DIP2C: variants seen among roughly 807,000 people sequenced by gnomAD.
DIP2C encodes the protein DIP2 acetate--CoA ligase C (putative).
Under a neutral mutation model 192.4 loss-of-function variants are expected in DIP2C, and 33 were observed. The ratio of observed to expected loss-of-function variants is 0.17; its 90% CI spans 0.13 to 0.23. DIP2C has a LOEUF of 0.23. Ranked by LOEUF, DIP2C falls within the 10% of genes least tolerant of loss-of-function variation. The pLI, the probability that DIP2C is intolerant of heterozygous loss-of-function variation, is 1.00. For missense variants in DIP2C, 1,537 were observed against 2,110.1 expected (o/e 0.73, Z 5.32); for synonymous variants, 979 against 864.1 (o/e 1.13, Z -2.33).
intron 31 of DIP2C, among the ~76,000 whole-genome samples, chr10:321,536 C>T (rs12774838): frequency 0.13 from 11,550 of 88,756 alleles, 773 homozygotes; most frequent in East Asian, 0.22. Context: ...CCTGCGGGGG[C>T]TCCAGCGAGA....
intron 2 of DIP2C, among the ~76,000 whole-genome samples, chr10:480,955 A>AT (rs1210344923): frequency 6.6e-6 from 1 of 152,158 alleles, no homozygotes; most frequent in African/African-American, 2.4e-5. Context: ...TAAGTTTAAA[A>AT]CACCCTTACC....
At chr10:502,147 C>T (rs1274227607) in intron 1 of DIP2C, among the ~76,000 whole-genome samples, 1 of 152,122 alleles carries the variant, frequency 6.6e-6, no homozygotes, top group Non-Finnish European at 1.5e-5. Flanking sequence ...GTCTCAAAAA[C>T]ATTCAAATTC....
At chr10:509,471 A>C (rs1005009739) in intron 1 of DIP2C, among the ~76,000 whole-genome samples, 2 of 152,126 alleles carry the variant, frequency 1.3e-5, no homozygotes, top group African/African-American at 4.8e-5. Context: ...AGGTCGGAAC[A>C]TCCCACACCC....
At chr10:332,619 T>G (rs984311339) in intron 29 of DIP2C, among the ~76,000 whole-genome samples, 1 of 152,230 alleles carries the variant, frequency 6.6e-6, no homozygotes, top group African/African-American at 2.4e-5. Context: ...CAAGACATTA[T>G]TCTCTGAGAA....
At chr10:664,508 T>G (rs888391582) in intron 1 of DIP2C, 2 of 152,208 alleles carry the variant, frequency 1.3e-5, no homozygotes, top group Admixed American at 1.3e-4. Flanking sequence ...TTCATGTGGT[T>G]AATAAATCAT....
intron 1 of DIP2C, among the ~76,000 whole-genome samples, chr10:619,511 T>TGCCAGG (rs370197577): frequency 0.037 from 4,418 of 119,080 alleles, 99 homozygotes; most frequent in African/African-American, 0.069. Flanking sequence ...ACAGGCTTTA[T>TGCCAGG]GCCAGGGCCA....
chr10:433,032 A>G (rs1347355207), intron 4 of DIP2C, among the ~76,000 whole-genome samples: 1 of 152,228 alleles, frequency 6.6e-6, no homozygotes, highest in Non-Finnish European at 1.5e-5. Flanking sequence ...TTTATGGACC[A>G]AAACGTGGTA....
intron 29 of DIP2C, among the ~76,000 whole-genome samples, chr10:337,263 G>A (rs1406747155): frequency 4.1e-5 from 6 of 145,258 alleles, no homozygotes; most frequent in Admixed American, 6.8e-5. Flanking sequence ...TGGAGGCCTA[G>A]GCTGATGTGT....
intron 1 of DIP2C, among the ~76,000 whole-genome samples, chr10:492,578 CTG>C (rs374700515): frequency 1.1e-4 from 17 of 152,340 alleles, no homozygotes; most frequent in African/African-American, 3.6e-4. Context: ...GCCCCGCACT[CTG>C]GGCGACAGAG....
intron 1 of DIP2C, among the ~76,000 whole-genome samples, chr10:576,718 G>T (rs1228934916): frequency 3.3e-5 from 5 of 152,108 alleles, no homozygotes; most frequent in African/African-American, 1.2e-4. Flanking sequence ...GACCAGCCTG[G>T]CCAACATGGC....
intron 1 of DIP2C, among the ~76,000 whole-genome samples, chr10:537,352 G>A (rs1847746479): frequency 6.6e-6 from 1 of 152,048 alleles, no homozygotes; most frequent in Non-Finnish European, 1.5e-5. Context: ...TCCACTGAAA[G>A]GATTCTTATT....
intron 36 of DIP2C, among the ~76,000 whole-genome samples, chr10:279,163 G>C (rs1197550608): frequency 1.3e-5 from 2 of 152,192 alleles, no homozygotes; most frequent in African/African-American, 4.8e-5. Context: ...TATGGAGCAT[G>C]CTAAGAGCTG....
intron 13 of DIP2C, among the ~76,000 whole-genome samples, chr10:389,002 A>G (rs1304562372): frequency 7.7e-6 from 1 of 130,668 alleles, no homozygotes; most frequent in Non-Finnish European, 1.6e-5. Context: ...AAGGGATCTC[A>G]GGGCCACGGG....
intron 1 of DIP2C, among the ~76,000 whole-genome samples, chr10:661,650 C>T (rs536856715): frequency 2.0e-5 from 3 of 152,268 alleles, no homozygotes; most frequent in South Asian, 2.1e-4. Context: ...CTGGGTCTTC[C>T]GACCCTTCCT....
intron 1 of DIP2C, among the ~76,000 whole-genome samples, chr10:595,028 A>G (rs990793835): frequency 2.0e-4 from 31 of 152,228 alleles, no homozygotes; most frequent in African/African-American, 7.2e-4. Context: ...CCCAAGGTGC[A>G]GTGTGTCCGA....
chr10:608,072 T>C (rs1852632103), intron 1 of DIP2C, among the ~76,000 whole-genome samples: 1 of 150,446 alleles, frequency 6.6e-6, no homozygotes, highest in Admixed American at 6.6e-5. Context: ...AATCTGGTCT[T>C]TGATCTACCT....
intron 1 of DIP2C, among the ~76,000 whole-genome samples, chr10:517,004 C>G (rs893392596): frequency 6.6e-6 from 1 of 151,638 alleles, no homozygotes; most frequent in Non-Finnish European, 1.5e-5. Context: ...CCAACTCAGG[C>G]CCATCAGGGG....
intron 25 of DIP2C, 75 bp from the exon 26 acceptor site, chr10:348,837 G>C: frequency 6.4e-7 from 1 of 1,570,440 alleles, no homozygotes; most frequent in Non-Finnish European, 8.6e-7. Flanking sequence ...CAGCATCAAT[G>C]CTTGTCTGGG....
chr10:303,606 C>T (rs1341680254), intron 32 of DIP2C, among the ~76,000 whole-genome samples: 1 of 152,152 alleles, frequency 6.6e-6, no homozygotes, highest in South Asian at 2.1e-4. Flanking sequence ...TCACCACAAC[C>T]TCTGCTTCCC....
Sources: allele counts gnomAD v4.1 joint callset (sites outside exome capture counted in the v4.1 genomes callset), GRCh38; gene constraint gnomAD v4.1.1; transcripts MANE v1.5; gene names NCBI Gene and HGNC (gene_info 2026-07-23, HGNC 2026-07-21).